The following KSR2 variants were observed in gnomAD, a reference collection of about 807,000 sequenced individuals.
KSR2 encodes kinase suppressor of ras 2.
KSR2 carries 25 observed loss-of-function variants against 107.8 expected under a neutral mutation model. The observed-to-expected ratio is 0.23, with a 90% CI of 0.17 to 0.32. KSR2 has a LOEUF of 0.32. KSR2 is among the 10% of genes least tolerant of loss of function. KSR2 has a pLI of 1.00. For missense variants in KSR2, 887 were observed against 1,268.9 expected, an observed-to-expected ratio of 0.70 and a Z score of 4.57; for synonymous variants, 480 against 507.0, an observed-to-expected ratio of 0.95 and a Z score of 0.71.
In KSR2 at chr12:117,469,643, A is replaced by G. The variant is rs2137111510; in HGVS notation, c.2846+19T>C. 6.2e-7 allele frequency: 1 copy of G among 1,610,216 alleles called. No individual in the cohort carries two copies. The stretch of plus-strand genomic sequence containing the variant: ...AGAGGACAAGGCAGTGGGGAGAGAC[A>G]TTAAGGGAGAAAACCTACTCTGCAG... On this transcript the variant is annotated intron_variant, in intron 19 of 19. Transcript: ENST00000339824.
intron 1 of KSR2, among the ~76,000 whole-genome samples, chr12:117,866,036 C>CTTT (rs1312128370): frequency 2.9e-4 from 30 of 104,754 alleles, no homozygotes; most frequent in African/African-American, 1.6e-3. Context: ...GCTAATCTCT[C>CTTT]TCTTTTTTTT....
At chr12:117,653,484 A>C (rs1883989765) in intron 5 of KSR2, among the ~76,000 whole-genome samples, 2 of 152,228 alleles carry the variant, frequency 1.3e-5, no homozygotes, top group African/African-American at 4.8e-5. Context: ...TGCTTCTGCA[A>C]GATATCACAC....
At chr12:117,594,755 T>C (rs1183989633) in intron 5 of KSR2, among the ~76,000 whole-genome samples, 1 of 152,142 alleles carries the variant, frequency 6.6e-6, no homozygotes, top group Non-Finnish European at 1.5e-5. Context: ...TAAACAAAGT[T>C]AACCTAGAGC....
chr12:117,926,359 A>C (rs1895518538), intron 1 of KSR2, among the ~76,000 whole-genome samples: 1 of 152,238 alleles, frequency 6.6e-6, no homozygotes, highest in African/African-American at 2.4e-5. Context: ...GGATGCTGTA[A>C]GCACCAACCA....
intron 3 of KSR2, among the ~76,000 whole-genome samples, chr12:117,794,921 G>C (rs1437261747): frequency 4.6e-5 from 7 of 152,180 alleles, no homozygotes; most frequent in Admixed American, 4.6e-4. Context: ...GCCCAGCAAG[G>C]GACAGAAAGA....
At chr12:117,848,847 G>A (rs201035913) in intron 3 of KSR2, among the ~76,000 whole-genome samples, 5 of 151,120 alleles carry the variant, frequency 3.3e-5, no homozygotes, top group Non-Finnish European at 7.4e-5. Flanking sequence ...GGTGGTGATG[G>A]TGATGATGGT....
At chr12:117,467,840 A>AT (rs1238720530) in intron 19 of KSR2, 1 of 451,956 alleles carries the variant, frequency 2.2e-6, no homozygotes, top group South Asian at 1.6e-5. Flanking sequence ...ATAAAAAAAA[A>AT]AAATGAATGA....
chr12:117,514,631 C>T (rs1874249342), intron 14 of KSR2, among the ~76,000 whole-genome samples: 1 of 151,276 alleles, frequency 6.6e-6, no homozygotes, highest in East Asian at 1.9e-4. Flanking sequence ...TCACTGCAGC[C>T]TCAGTCTCCC....
At chr12:117,938,967 A>G (rs892251254) in intron 1 of KSR2, among the ~76,000 whole-genome samples, 2 of 152,042 alleles carry the variant, frequency 1.3e-5, no homozygotes, top group Non-Finnish European at 2.9e-5. Flanking sequence ...AGTCAAGCAG[A>G]CACAGTAAAT....
intron 5 of KSR2, among the ~76,000 whole-genome samples, chr12:117,655,660 G>A (rs1396679975): frequency 2.0e-5 from 3 of 152,118 alleles, no homozygotes; most frequent in Admixed American, 6.6e-5. Context: ...AGGGAGGAAC[G>A]CTGCCACCAG....
rs976313886 is a variant in KSR2 at position 117,550,511 on chromosome 12, G to T, written c.1518+4658C>A. ...GCCCACTCCCAACACAGGATCATAG[G>T]CCAGAGCATAATGGCAGCTGACCAG... is the stretch of plus-strand genomic sequence containing the variant. On this transcript the variant is annotated intron_variant, in intron 9 of 19. Transcript: ENST00000339824. 7.2e-5 allele frequency among the ~76,000 whole-genome samples: 11 copies of T among 152,232 alleles called. No homozygotes were observed. The East Asian group carries it at 1.7e-3, about 24-fold the overall frequency.
chr12:117,915,108 G>A (rs1895136171), intron 1 of KSR2, among the ~76,000 whole-genome samples: 1 of 152,188 alleles, frequency 6.6e-6, no homozygotes, highest in Admixed American at 6.5e-5. Flanking sequence ...GAAGATTCAA[G>A]ATCTGATAAG....
intron 1 of KSR2, among the ~76,000 whole-genome samples, chr12:117,965,944 G>A (rs940674578): frequency 1.3e-5 from 2 of 152,178 alleles, no homozygotes; most frequent in African/African-American, 4.8e-5. Flanking sequence ...CCCTAACCCT[G>A]CAAATCTGGG....
chr12:117,595,414 G>GCGCAATCTCGGCTC (rs1174133903), intron 5 of KSR2, among the ~76,000 whole-genome samples: 3 of 127,016 alleles, frequency 2.4e-5, no homozygotes, highest in African/African-American at 9.3e-5. Flanking sequence ...CCGGACTGCG[G>GCGCAATCTCGGCTC]ACTGCAGTGG....
chr12:117,914,337 G>A (rs1343673258), intron 1 of KSR2, among the ~76,000 whole-genome samples: 30 of 150,640 alleles, frequency 2.0e-4, no homozygotes, highest in Admixed American at 1.9e-3. Context: ...ACTGAGGCAC[G>A]AGAATCGCTC....
At chr12:117,850,808 C>CAA (rs11308554) in intron 3 of KSR2, among the ~76,000 whole-genome samples, 48,656 of 139,752 alleles carry the variant, frequency 0.35, 8,784 homozygotes, top group Admixed American at 0.49. Context: ...GACCCCATCT[C>CAA]AAAAAAAAAA....
At chr12:117,835,546 C>T (rs1892171545) in intron 3 of KSR2, among the ~76,000 whole-genome samples, 1 of 152,158 alleles carries the variant, frequency 6.6e-6, no homozygotes, top group Non-Finnish European at 1.5e-5. Context: ...TAATCATTAT[C>T]CTCCTCCTTA....
At chr12:117,825,878 G>GATGC (rs891655902) in intron 3 of KSR2, among the ~76,000 whole-genome samples, 3 of 144,196 alleles carry the variant, frequency 2.1e-5, no homozygotes, top group African/African-American at 2.5e-5. Flanking sequence ...TGGACGGACA[G>GATGC]ATGCATGCAT....
At chr12:117,665,137 T>C (rs914783085) in intron 5 of KSR2, among the ~76,000 whole-genome samples, 7 of 152,138 alleles carry the variant, frequency 4.6e-5, no homozygotes, top group African/African-American at 1.7e-4. Context: ...AGCAACTTTT[T>C]TGAAGAACCA....
Sources: allele counts gnomAD v4.1 joint callset (sites outside exome capture counted in the v4.1 genomes callset), GRCh38; gene constraint gnomAD v4.1.1; transcripts MANE v1.5; gene names NCBI Gene and HGNC (gene_info 2026-07-23, HGNC 2026-07-21).